The following ANKRD12 variants were observed in gnomAD, a reference collection of about 807,000 sequenced individuals.
ANKRD12 encodes ankyrin repeat domain 12.
In ANKRD12, 85 loss-of-function variants were observed where a neutral mutation model predicts 183.4. The observed-to-expected ratio is 0.46, with a 90% CI of 0.39 to 0.56. The LOEUF (loss-of-function observed/expected upper bound fraction) is 0.56, where lower values mean the gene tolerates loss of function less well. ANKRD12 is among the 20% of genes least tolerant of loss of function. ANKRD12 has a pLI of 0.00. For missense variants in ANKRD12, 2,405 were observed against 2,357.1 expected (o/e 1.02, Z -0.42); for synonymous variants, 914 against 800.2 (o/e 1.14, Z -2.40).
Position 9,281,802 on chromosome 18 carries a change from T to C in ANKRD12, c.*676T>C, listed in dbSNP as rs1316435501. 1 of 152,630 alleles carries C rather than the reference T, an allele frequency of 6.6e-6. No homozygotes were observed. The highest frequency in any genetic ancestry group is 2.4e-5 in the African/African-American group (1 of 41,452). The allele number at this position is 152,630 out of a possible 1,614,324, so 9.5% of individuals were successfully genotyped here. ...TGGTTTGTATGGAGTGTAGTAGTAG[T>C]GTGTACAGGTAGAAAACTTTTAAAT... On this transcript the variant is annotated 3_prime_UTR_variant, in exon 13 of 13. Coordinates refer to ENST00000262126, the MANE Select transcript of ANKRD12 (RefSeq NM_015208.5).
chr18:9,226,974 AG>A (rs1334032606), intron 8 of ANKRD12, among the ~76,000 whole-genome samples: 1 of 152,120 alleles, frequency 6.6e-6, no homozygotes, highest in Non-Finnish European at 1.5e-5. Flanking sequence ...CCTGTACTGG[AG>A]GGGAAAAATG....
At position 9,275,716 on chromosome 18, in the gene ANKRD12, A is replaced by G. The variant is rs576169801; in HGVS notation, c.5907+49A>G. 5 of 1,449,414 alleles carry G rather than the reference A, an allele frequency of 3.4e-6. No individual in the cohort carries two copies. In the East Asian group the frequency reaches 1.2e-4, roughly 35 times the overall value. 89.8% of individuals were successfully genotyped at this position (1,449,414 alleles called of 1,614,324 possible). ...AGAAGTAATGGTCTGAAAAAATGCA[A>G]CTTGGCTATTTTTAGAATCTATTTC... On this transcript the variant is annotated intron_variant, in intron 11 of 12. Coordinates refer to ENST00000262126, the MANE Select transcript of ANKRD12 (RefSeq NM_015208.5).
chr18:9,245,186 A>G (rs942237049), intron 8 of ANKRD12, among the ~76,000 whole-genome samples: 1 of 152,000 alleles, frequency 6.6e-6, no homozygotes, highest in South Asian at 2.1e-4. Flanking sequence ...GTGGTGGCTC[A>G]CACCTGGAAT....
chr18:9,159,995 C>T (rs939182995), intron 1 of ANKRD12, among the ~76,000 whole-genome samples: 3 of 151,836 alleles, frequency 2.0e-5, no homozygotes, highest in Non-Finnish European at 2.9e-5. Context: ...GTTACTCTTG[C>T]CCGGTGGCTC....
At chr18:9,139,296 A>T (rs1254579132) in intron 1 of ANKRD12, among the ~76,000 whole-genome samples, 1 of 152,228 alleles carries the variant, frequency 6.6e-6, no homozygotes, top group Non-Finnish European at 1.5e-5. Flanking sequence ...TGAGTTTAAA[A>T]GGAAGATGCT....
intron 9 of ANKRD12, among the ~76,000 whole-genome samples, chr18:9,260,627 T>TGA: frequency 6.6e-6 from 1 of 152,250 alleles, no homozygotes; most frequent in South Asian, 2.1e-4. Context: ...AGTGCATCCA[T>TGA]GAGAAGCTGT....
rs750560057 is a variant in ANKRD12 at position 9,255,316 on chromosome 18, A to C, written c.2049A>C (p.Lys683Asn). The C allele has an allele frequency of 1.1e-5, 17 of 1,593,754 alleles. No individual in the cohort carries two copies. Among genetic ancestry groups the C allele is most frequent in the Admixed American group, 9.3e-5 (5 of 54,024 alleles). Reference sequence around the variant, plus strand: ...AATACAAAACTAAGGATAGTGCCAAAGAACTGCAGAGGAGTGTGGAATTTG... The same window carrying C: ...AATACAAAACTAAGGATAGTGCCAACGAACTGCAGAGGAGTGTGGAATTTG... ...KEKYKTKDSA[K>N]ELQRSVEFDR... The change falls in exon 9 of 13, where the codon AAA becomes AAC. Residue 683 changes from lysine to asparagine, a missense_variant. By Grantham distance (94) the Lys-to-Asn change is moderately conservative (BLOSUM62 0). Coordinates refer to ENST00000262126, the MANE Select transcript of ANKRD12 (RefSeq NM_015208.5).
At chr18:9,199,333 G>C (rs1196457434) in intron 3 of ANKRD12, among the ~76,000 whole-genome samples, 2 of 152,112 alleles carry the variant, frequency 1.3e-5, no homozygotes. Flanking sequence ...TTATGAAACA[G>C]TATGTGCTAT....
rs2038484298 is a variant in ANKRD12, at chr18:9,254,488, T to C, written c.1221T>C (p.Tyr407=). The C allele has an allele frequency of 1.9e-6, 3 of 1,547,252 alleles. No individual in the cohort carries two copies. The African/African-American group carries it at 4.2e-5, about 22-fold the overall frequency. ...TTGCAAAACAGGAGAAAGCCTTCTA[T>C]CCTAAATCATTTAAAAGTAAAAAAC... ...HLFAKQEKAF[Y]PKSFKSKKQK... is the part of the protein sequence containing the mutation. The change falls in exon 9 of 13, where the codon TAT becomes TAC. Residue 407 remains tyrosine (Y), a synonymous_variant. Coordinates refer to ENST00000262126, the MANE Select transcript of ANKRD12 (RefSeq NM_015208.5).
chr18:9,180,266 C>T (rs1438794764), intron 1 of ANKRD12, among the ~76,000 whole-genome samples: 3 of 152,148 alleles, frequency 2.0e-5, no homozygotes, highest in Non-Finnish European at 4.4e-5. Flanking sequence ...TATAGCCACT[C>T]AAGCTTGCTT....
chr18:9,235,001 T>G (rs1389419145), intron 8 of ANKRD12, among the ~76,000 whole-genome samples: 1 of 152,188 alleles, frequency 6.6e-6, no homozygotes, highest in Non-Finnish European at 1.5e-5. Flanking sequence ...CTCAAGAGTT[T>G]CCTGTGACTT....
intron 1 of ANKRD12, among the ~76,000 whole-genome samples, chr18:9,141,968 CTGGTCT>C (rs1305700380): frequency 1.3e-5 from 2 of 152,120 alleles, no homozygotes; most frequent in African/African-American, 2.4e-5. Flanking sequence ...GTTGCTCAGA[CTGGTCT>C]TGGTCTTGAA....
Position 9,256,798 on chromosome 18 carries a change from G to T in ANKRD12, c.3531G>T (p.Lys1177Asn), listed in dbSNP as rs960991952. ...CCAAAAATGTAATGACTTTAGGGAA[G>T]TCATCTTTTGTTTCAGATAATAGCT... ...VDTKNVMTLGKSSFVSDNSLN... is the reference protein window; with the variant it reads ...VDTKNVMTLGNSSFVSDNSLN... Residue 1177 changes from lysine (K) to asparagine (N), a missense_variant, in exon 9 of 13, where the codon AAG (lysine) becomes AAT (asparagine). Lys to Asn is a moderately conservative substitution (Grantham distance 94). Around this residue, in one of 7 missense-constraint regions of ANKRD12, gnomAD observed 1,983 missense variants for 1,725.9 expected, o/e 1.15. Transcript: ENST00000262126. 2 of 1,614,018 alleles carry T rather than the reference G, an allele frequency of 1.2e-6. No individual in the cohort carries two copies. The highest frequency in any genetic ancestry group is 1.7e-6 in the Non-Finnish European group (2 of 1,179,974).
Position 9,257,057 on chromosome 18 carries a change from G to T in ANKRD12, c.3790G>T (p.Asp1264Tyr). Residue 1264 changes from aspartate (D) to tyrosine (Y), a missense_variant, in exon 9 of 13, where the codon GAC becomes TAC. Physicochemically the swap from Asp to Tyr is radical, Grantham distance 160. Transcript: ENST00000262126. ...TCCTGCTCTTCATGAAAGGGAATTG[G>T]ACAGCCTGGCTGACTTGCCGGAGCG... ...KSPALHEREL[D>Y]SLADLPERIK... 6.2e-7 allele frequency: 1 copy of T among 1,614,090 alleles called. No homozygotes were observed. Among genetic ancestry groups the T allele is most frequent in the Non-Finnish European group, 8.5e-7 (1 of 1,180,000 alleles).
At chr18:9,210,567 C>CA (rs1004710742) in intron 5 of ANKRD12, among the ~76,000 whole-genome samples, 53 of 151,366 alleles carry the variant, frequency 3.5e-4, no homozygotes, top group Non-Finnish European at 3.2e-4. Context: ...CTAAAAAATA[C>CA]AAAAATCAGC....
At chr18:9,152,356 A>G (rs987173891) in intron 1 of ANKRD12, among the ~76,000 whole-genome samples, 1 of 152,244 alleles carries the variant, frequency 6.6e-6, no homozygotes, top group Non-Finnish European at 1.5e-5. Context: ...TGGCCCAGGA[A>G]TGGCAGAAAG....
chr18:9,253,022 G>C (rs925198174), intron 8 of ANKRD12, among the ~76,000 whole-genome samples: 2 of 151,980 alleles, frequency 1.3e-5, no homozygotes, highest in African/African-American at 2.4e-5. Context: ...ATAAATGCAT[G>C]TATATAAATG....
intron 8 of ANKRD12, chr18:9,249,635 A>G (rs1463203717): frequency 1.3e-5 from 2 of 152,142 alleles, no homozygotes; most frequent in African/African-American, 2.4e-5. Context: ...CCCTTCCTAT[A>G]TATACATTTT....
rs2078119660 is a variant in ANKRD12, at chr18:9,136,953, G to C, written c.-64G>C. The C allele has an allele frequency of 6.6e-6, 1 of 152,256 alleles. No individual in the cohort carries two copies. The highest frequency in any genetic ancestry group is 2.4e-5 in the African/African-American group (1 of 41,434). 9.4% of individuals were successfully genotyped at this position (152,256 alleles called of 1,614,324 possible). A position where few individuals can be genotyped will look rare whatever the true frequency, so the allele number is the denominator to read the frequency against. ...TTCCGGGGGTGAAGCCTCCTGCGCCGGCCTTGCCTCGGGTCCGTACGGGTG... is the reference window on the plus strand; with the variant it reads ...TTCCGGGGGTGAAGCCTCCTGCGCCCGCCTTGCCTCGGGTCCGTACGGGTG... On this transcript the variant is annotated 5_prime_UTR_variant, in exon 1 of 13. Coordinates refer to ENST00000262126, the MANE Select transcript of ANKRD12 (RefSeq NM_015208.5).
Sources: allele counts gnomAD v4.1 joint callset (sites outside exome capture counted in the v4.1 genomes callset), GRCh38; gene constraint gnomAD v4.1.1; regional missense constraint gnomAD v4.1.1; transcripts MANE v1.5; gene names NCBI Gene and HGNC (gene_info 2026-07-23, HGNC 2026-07-21).